BOP1: variants seen among roughly 807,000 people sequenced by gnomAD.
BOP1 encodes BOP1 ribosomal biogenesis factor.
In BOP1, 54 loss-of-function variants were observed where a neutral mutation model predicts 82.9. That is an observed-to-expected ratio of 0.65 (90% CI 0.52 to 0.82). The LOEUF (loss-of-function observed/expected upper bound fraction) is 0.82, where lower values mean the gene tolerates loss of function less well. BOP1 is among the 40% of genes least tolerant of loss of function. The probability of loss-of-function intolerance (pLI) is 0.00; values close to 1 mark genes in which losing one functional copy is unlikely to be tolerated. For missense variants in BOP1, 1,170 were observed against 1,072.0 expected (o/e 1.09, Z -1.28); for synonymous variants, 566 against 451.1 (o/e 1.25, Z -3.23).
chr8:144,267,129 C>T lies in BOP1; in HGVS notation c.391-2058G>A, dbSNP rs1258982875. The T allele has an allele frequency of 2.3e-5, 35 of 1,505,206 alleles. No individual in the cohort carries two copies. The East Asian group carries it at 8.7e-4, about 38-fold the overall frequency. The allele number at this position is 1,505,206 out of a possible 1,614,324, so 93.2% of individuals were successfully genotyped here. On this transcript the variant is annotated intron_variant, in intron 3 of 15. Transcript: ENST00000569669. The stretch of plus-strand genomic sequence containing the variant: ...CGCCTCCCGCCCGCGACGGCGAGAA[C>T]ACCCAGCCCAAACAGATCTGCACCT...
At chr8:144,282,571 A>G (rs1160105590) in intron 2 of BOP1, among the ~76,000 whole-genome samples, 1 of 152,030 alleles carries the variant, frequency 6.6e-6, no homozygotes, top group Non-Finnish European at 1.5e-5. Context: ...CACAAACACA[A>G]AAATAAATCA....
At chr8:144,284,805 A>G (rs1427054032) in intron 2 of BOP1, among the ~76,000 whole-genome samples, 1 of 152,234 alleles carries the variant, frequency 6.6e-6, no homozygotes, top group African/African-American at 2.4e-5. Flanking sequence ...GGTCGTGTGC[A>G]TGTCAATGCT....
chr8:144,268,507 A>G, intron 3 of BOP1: 1 of 358,960 alleles, frequency 2.8e-6, no homozygotes, highest in Non-Finnish European at 5.1e-6. Context: ...TCCTCATGAA[A>G]GGTTCAGAAT....
At chr8:144,275,467 CTGG>C (rs1845555149) in intron 3 of BOP1, among the ~76,000 whole-genome samples, 4 of 55,090 alleles carry the variant, frequency 7.3e-5, no homozygotes, top group Non-Finnish European at 1.3e-4. Context: ...CCTCTCCACG[CTGG>C]CGGAGCCCAG....
At chr8:144,262,778 C>T in intron 13 of BOP1, 75 bp downstream of exon 13, 1 of 1,339,566 alleles carries the variant, frequency 7.5e-7, no homozygotes, top group Non-Finnish European at 1.0e-6. Context: ...GCCCCTACCC[C>T]CACCCCTCAC....
chr8:144,263,088 C>T lies in BOP1; in HGVS notation c.1659G>A (p.Leu553=). Residue 553 remains leucine, a synonymous_variant, in exon 13 of 16, where the codon CTG becomes CTA. Transcript: ENST00000569669. Reference sequence around the variant, plus strand: ...GCACCTGGGTGTGGCCTTGGGTGGCCAGCACCACGGCCAGGTAGTCCCCAC... The same window carrying T: ...GCACCTGGGTGTGGCCTTGGGTGGCTAGCACCACGGCCAGGTAGTCCCCAC... ...HGRGDYLAVV[L]ATQGHTQVLI... 1 of 1,591,390 alleles carries T rather than the reference C, an allele frequency of 6.3e-7. No homozygotes were observed. Among genetic ancestry groups the T allele is most frequent in the Non-Finnish European group, 8.5e-7 (1 of 1,177,808 alleles).
chr8:144,266,435 A>AGCTCGGGGCCCCGCTCCG, intron 3 of BOP1: 1 of 906,966 alleles, frequency 1.1e-6, no homozygotes, highest in Non-Finnish European at 1.3e-6. Flanking sequence ...ATAAAGGCGC[A>AGCTCGGGGCCCCGCTCCG]GCTCGGGGCC....
chr8:144,273,680 C>A (rs1417973954), intron 3 of BOP1, among the ~76,000 whole-genome samples: 5 of 152,236 alleles, frequency 3.3e-5, no homozygotes, highest in African/African-American at 1.2e-4. Context: ...CGGCCCACCT[C>A]CCCGGGGGTC....
At chr8:144,266,709 C>G in intron 3 of BOP1, 2 of 1,213,598 alleles carry the variant, frequency 1.6e-6, no homozygotes, top group Non-Finnish European at 1.0e-6. Flanking sequence ...GCAGCGACAG[C>G]TCGGGCTCCG....
chr8:144,289,035 A>G, intron 2 of BOP1, 60 bp downstream of exon 2: 2 of 1,584,984 alleles, frequency 1.3e-6, no homozygotes, highest in Non-Finnish European at 1.7e-6. Flanking sequence ...GCAGTCTCAG[A>G]AAGCCCAAGG....
At chr8:144,266,479 C>T (rs1845367165) in intron 3 of BOP1, 2 of 984,142 alleles carry the variant, frequency 2.0e-6, no homozygotes, top group Non-Finnish European at 1.2e-6. Context: ...GTGCGCGCGA[C>T]GCCCGGCAGC....
At chr8:144,267,836 T>C (rs1341813030) in intron 3 of BOP1, among the ~76,000 whole-genome samples, 2 of 152,098 alleles carry the variant, frequency 1.3e-5, no homozygotes, top group African/African-American at 4.8e-5. Context: ...AGGGAGAAAA[T>C]ACGGCACGGC....
intron 3 of BOP1, chr8:144,268,036 G>A: frequency 6.5e-7 from 1 of 1,548,348 alleles, no homozygotes; most frequent in Non-Finnish European, 8.7e-7. Context: ...ACCCAGCAGG[G>A]AGGCCAGAGA....
chr8:144,270,760 C>T (rs1554837681), intron 3 of BOP1, among the ~76,000 whole-genome samples: 1 of 152,156 alleles, frequency 6.6e-6, no homozygotes, highest in Non-Finnish European at 1.5e-5. Context: ...CAGCCCCTGG[C>T]TCCCTTCCCA....
Position 144,265,047 on chromosome 8 carries a change from C to T in BOP1, c.415G>A (p.Val139Met), listed in dbSNP as rs1436260140. The T allele has an allele frequency of 6.8e-6, 11 of 1,611,314 alleles. No homozygotes were observed. Among genetic ancestry groups the T allele is most frequent in the Middle Eastern group, 1.8e-4 (1 of 5,712 alleles). ...AAGTCATCGTACCACTCCAAGGGCA[C>T]GTTGCCCACCGTGTTCCGGATGTCC... Reference protein sequence around the residue: ...EEDIRNTVGNVPLEWYDDFPH... With the variant: ...EEDIRNTVGNMPLEWYDDFPH... The change falls in exon 4 of 16, where the codon GTG becomes ATG. Residue 139 changes from valine to methionine, a missense_variant. Val to Met is a conservative substitution (Grantham distance 21). Transcript: ENST00000569669.
intron 2 of BOP1, among the ~76,000 whole-genome samples, chr8:144,288,157 C>CT (rs1286487759): frequency 1.3e-5 from 2 of 151,756 alleles, no homozygotes; most frequent in Non-Finnish European, 2.9e-5. Context: ...GTAATCCCAG[C>CT]TACTCAGGAG....
intron 2 of BOP1, among the ~76,000 whole-genome samples, chr8:144,287,702 C>T (rs1031817126): frequency 2.6e-5 from 4 of 152,080 alleles, no homozygotes; most frequent in African/African-American, 9.7e-5. Context: ...GAAGGGGTAA[C>T]GTAGTTGTCC....
intron 3 of BOP1, chr8:144,268,299 C>T (rs1465981024): frequency 1.0e-5 from 11 of 1,098,882 alleles, no homozygotes; most frequent in East Asian, 7.8e-5. Flanking sequence ...GAGGGACAGA[C>T]GGACGTACAG....
Position 144,263,071 on chromosome 8 carries a change from G to T in BOP1, c.1676C>A (p.Thr559Asn). 2 of 1,588,714 alleles carry T rather than the reference G, an allele frequency of 1.3e-6. No individual in the cohort carries two copies. The highest frequency in any genetic ancestry group is 1.7e-6 in the Non-Finnish European group (2 of 1,176,560). Reference sequence around the variant, plus strand: ...GCTCAGCTGGTGAATCAGCACCTGGGTGTGGCCTTGGGTGGCCAGCACCAC... The same window carrying T: ...GCTCAGCTGGTGAATCAGCACCTGGTTGTGGCCTTGGGTGGCCAGCACCAC... Reference protein sequence around the residue: ...LAVVLATQGHTQVLIHQLSRR... With the variant: ...LAVVLATQGHNQVLIHQLSRR... Residue 559 changes from threonine to asparagine, a missense_variant, in exon 13 of 16, where the codon ACC (threonine) becomes AAC (asparagine). By Grantham distance (65) the Thr-to-Asn change is moderately conservative. Coordinates refer to ENST00000569669, the MANE Select transcript of BOP1 (RefSeq NM_015201.5).
Sources: gnomAD v4.1 joint callset for allele counts (sites outside exome capture counted in the v4.1 genomes callset) on GRCh38, gnomAD v4.1.1 for gene constraint, MANE v1.5 for transcripts, NCBI Gene and HGNC (gene_info 2026-07-23, HGNC 2026-07-21) for gene names.